Variants in BIN2 observed in about 807,000 individuals in gnomAD.
BIN2 encodes breast cancer associated protein BRAP1.
A neutral mutation model predicts 67.9 loss-of-function variants in BIN2; 43 were observed. The ratio of observed to expected loss-of-function variants is 0.63; its 90% CI spans 0.50 to 0.82. The LOEUF (loss-of-function observed/expected upper bound fraction) is 0.82, where lower values mean the gene tolerates loss of function less well. Among genes scored for constraint, BIN2 ranks in the 40% least tolerant of loss-of-function variants. The probability of loss-of-function intolerance (pLI) is 0.00; values close to 1 mark genes in which losing one functional copy is unlikely to be tolerated. For synonymous variants in BIN2, 244 were observed against 246.8 expected, an observed-to-expected ratio of 0.99 and a Z score of 0.11; for missense variants, 581 against 671.6, an observed-to-expected ratio of 0.87 and a Z score of 1.49.
upstream of BIN2, chr12:51,324,258 A>T: frequency 7.0e-7 from 1 of 1,423,380 alleles, no homozygotes; most frequent in Non-Finnish European, 9.1e-7. Context: ...CCCGCCCCTC[A>T]GCCCACCACT....
intron 5 of BIN2, among the ~76,000 whole-genome samples, chr12:51,300,390 T>A (rs1301015747): frequency 6.6e-6 from 1 of 152,148 alleles, no homozygotes; most frequent in East Asian, 1.9e-4. Context: ...GCCTTGAGAA[T>A]CACATGAAAG....
chr12:51,323,932 A>G (rs1592290343), intron 1 of BIN2, 90 bp downstream of exon 1: 1 of 1,530,760 alleles, frequency 6.5e-7, no homozygotes, highest in Non-Finnish European at 8.8e-7. Flanking sequence ...GGGGCCCCTG[A>G]GCACCCTGCC....
At chr12:51,288,896 A>C (rs1418642852) in intron 10 of BIN2, among the ~76,000 whole-genome samples, 1 of 151,768 alleles carries the variant, frequency 6.6e-6, no homozygotes, top group African/African-American at 2.4e-5. Flanking sequence ...ATTACGGCAC[A>C]CACCACCATG....
At chr12:51,315,929 AC>A (rs1034807141) in intron 1 of BIN2, among the ~76,000 whole-genome samples, 17 of 151,944 alleles carry the variant, frequency 1.1e-4, no homozygotes, top group African/African-American at 7.3e-5. Flanking sequence ...TCTGCCTATA[AC>A]CCCCATCTTG....
chr12:51,323,749 G>A (rs559387554), intron 1 of BIN2, among the ~76,000 whole-genome samples: 1 of 152,230 alleles, frequency 6.6e-6, no homozygotes. Flanking sequence ...CAGCCTGAGG[G>A]TTGTCGAAGG....
At chr12:51,323,876 T>C (rs1946356506) in intron 1 of BIN2, 146 bp downstream of exon 1, 1 of 1,004,908 alleles carries the variant, frequency 1.0e-6, no homozygotes, top group Non-Finnish European at 1.4e-6. Context: ...CTCGCTCCCG[T>C]TTCCCTGGGA....
At chr12:51,295,741 T>C (rs369331611) in intron 9 of BIN2, 55 bp downstream of exon 9, 37 of 1,460,302 alleles carry the variant, frequency 2.5e-5, no homozygotes, top group Non-Finnish European at 3.1e-5. Flanking sequence ...ATGAGGATGT[T>C]GAATACATTC....
At chr12:51,321,106 A>C (rs1322286602) in intron 1 of BIN2, among the ~76,000 whole-genome samples, 1 of 150,840 alleles carries the variant, frequency 6.6e-6, no homozygotes, top group Non-Finnish European at 1.5e-5. Context: ...GCCTGAACAA[A>C]AAGTGTTTCT....
intron 2 of BIN2, among the ~76,000 whole-genome samples, chr12:51,312,655 T>C (rs889759301): frequency 6.6e-6 from 1 of 152,094 alleles, no homozygotes; most frequent in African/African-American, 2.4e-5. Context: ...GGAAGCTGAG[T>C]GATGAGTACA....
upstream of BIN2, chr12:51,324,388 G>T: frequency 7.6e-7 from 1 of 1,319,452 alleles, no homozygotes; most frequent in Non-Finnish European, 1.0e-6. Flanking sequence ...ACTGAACCAG[G>T]TCCTCAGTGG....
intron 1 of BIN2, among the ~76,000 whole-genome samples, chr12:51,321,097 C>T (rs923974172): frequency 7.9e-5 from 12 of 151,740 alleles, no homozygotes; most frequent in Admixed American, 4.6e-4. Context: ...TCAGAGGATG[C>T]CTGAACAAAA....
chr12:51,317,005 T>C (rs1281482073), intron 1 of BIN2, among the ~76,000 whole-genome samples: 4 of 151,994 alleles, frequency 2.6e-5, no homozygotes, highest in African/African-American at 9.7e-5. Context: ...GCCTCCTGAG[T>C]AGCTGGGATT....
chr12:51,296,602 A>G (rs1945574409), intron 8 of BIN2, among the ~76,000 whole-genome samples: 1 of 152,208 alleles, frequency 6.6e-6, no homozygotes, highest in Admixed American at 6.5e-5. Flanking sequence ...TGTGAATATA[A>G]CTAATATAAA....
chr12:51,294,974 C>T (rs141943976), intron 9 of BIN2, among the ~76,000 whole-genome samples: 5,989 of 152,154 alleles, frequency 0.039, 142 homozygotes, highest in South Asian at 0.11. Context: ...GCTCTGTCAT[C>T]CAGGCTGGAG....
At chr12:51,313,974 C>T (rs1203487891) in intron 1 of BIN2, 71 bp from the exon 2 acceptor site, 1 of 1,152,808 alleles carries the variant, frequency 8.7e-7, no homozygotes, top group Non-Finnish European at 1.3e-6. Context: ...CTCATATGAC[C>T]CTGGCTTCAG....
chr12:51,314,930 A>G (rs117522705), intron 1 of BIN2, among the ~76,000 whole-genome samples: 3,478 of 151,966 alleles, frequency 0.023, 80 homozygotes, highest in East Asian at 0.091. Context: ...ACAACTTACT[A>G]CAGCCTCAAC....
intron 1 of BIN2, among the ~76,000 whole-genome samples, chr12:51,316,278 T>C (rs1280709388): frequency 1.3e-5 from 2 of 149,788 alleles, no homozygotes; most frequent in Admixed American, 1.3e-4. Context: ...AGGTCAGGAG[T>C]TCGAGACCAA....
Position 51,302,761 on chromosome 12 carries a change from T to G in BIN2, c.237A>C (p.Lys79Asn). The change falls in exon 4 of 13, where the codon AAA (lysine) becomes AAC (asparagine). Residue 79 changes from lysine (K) to asparagine (N), a missense_variant. Physicochemically the swap from Lys to Asn is moderately conservative, Grantham distance 94. Transcript: ENST00000615107. The stretch of plus-strand genomic sequence containing the variant: ...TCTCCTGCAGGGTTTCTGACACTCT[T>G]TTTGAACTTTCATGCATCACTGAAA... ...SAVKVMHESSKRVSETLQEIY... is the reference protein window; with the variant it reads ...SAVKVMHESSNRVSETLQEIY... 1 of 1,613,994 alleles carries G rather than the reference T, an allele frequency of 6.2e-7. No individual in the cohort carries two copies. Among genetic ancestry groups the G allele is most frequent in the Non-Finnish European group, 8.5e-7 (1 of 1,179,870 alleles).
chr12:51,285,529 G>C (rs558300278), intron 11 of BIN2, among the ~76,000 whole-genome samples: 1 of 152,016 alleles, frequency 6.6e-6, no homozygotes, highest in East Asian at 1.9e-4. Context: ...ACCCTGTGAG[G>C]TTTAAAATAA....
Sources: allele counts gnomAD v4.1 joint callset (sites outside exome capture counted in the v4.1 genomes callset), GRCh38; gene constraint gnomAD v4.1.1; transcripts MANE v1.5; gene names NCBI Gene and HGNC (gene_info 2026-07-23, HGNC 2026-07-21).